CTNND2: variants seen among roughly 807,000 people sequenced by gnomAD.
The protein encoded by CTNND2 is catenin delta 2.
CTNND2 carries 22 observed loss-of-function variants against 144.4 expected under a neutral mutation model. That is an observed-to-expected ratio of 0.15 (90% CI 0.11 to 0.22). The LOEUF is 0.22. Ranked by LOEUF, CTNND2 falls within the 10% of genes least tolerant of loss-of-function variation. CTNND2 has a pLI of 1.00. For synonymous variants in CTNND2, 751 were observed against 695.6 expected (o/e 1.08, Z -1.25); for missense variants, 1,353 against 1,618.8 (o/e 0.84, Z 2.82).
intron 11 of CTNND2, among the ~76,000 whole-genome samples, chr5:11,193,249 G>A (rs1038671689): frequency 6.6e-6 from 1 of 152,312 alleles, no homozygotes; most frequent in South Asian, 2.1e-4. Context: ...ACAATGGCAA[G>A]AGGTATTGAT....
chr5:11,364,996 C>T (rs1322628914), intron 7 of CTNND2, 106 bp from the exon 8 acceptor site: 2 of 910,890 alleles, frequency 2.2e-6, no homozygotes, highest in East Asian at 2.6e-5. Context: ...GTTGAAATTC[C>T]CAGGAAACCA....
intron 1 of CTNND2, among the ~76,000 whole-genome samples, chr5:11,892,672 A>T (rs1459642358): frequency 6.6e-6 from 1 of 151,692 alleles, no homozygotes; most frequent in Non-Finnish European, 1.5e-5. Context: ...GTTAGACAGC[A>T]CCTTCTTTGG....
At chr5:11,012,613 G>A (rs1403882603) in intron 18 of CTNND2, among the ~76,000 whole-genome samples, 1 of 152,190 alleles carries the variant, frequency 6.6e-6, no homozygotes, top group Non-Finnish European at 1.5e-5. Context: ...AGGGCTGCCG[G>A]AAGTCAGTTC....
In CTNND2 at chr5:11,547,872, C is replaced by T. The variant is rs184244886; in HGVS notation, c.287+17072G>A. ...TTGAGGATGTTCCAATCCTACAACC[C>T]AGTCATTTCTCTTCTGTGCCCGCCC... On this transcript the variant is annotated intron_variant, in intron 3 of 21. Coordinates refer to ENST00000304623, the MANE Select transcript of CTNND2 (RefSeq NM_001332.4). 6.4e-4 allele frequency among the ~76,000 whole-genome samples: 97 copies of T among 152,294 alleles called. 1 individual carries two copies. Among genetic ancestry groups the T allele is most frequent in the Admixed American group, 4.3e-3 (65 of 15,292 alleles).
intron 2 of CTNND2, among the ~76,000 whole-genome samples, chr5:11,724,204 A>G (rs1279546803): frequency 6.6e-6 from 1 of 152,198 alleles, no homozygotes; most frequent in East Asian, 1.9e-4. Context: ...ACAAACCAGT[A>G]AAGCTCCTAG....
At chr5:11,555,990 G>A (rs78806181) in intron 3 of CTNND2, among the ~76,000 whole-genome samples, 3,555 of 152,200 alleles carry the variant, frequency 0.023, 137 homozygotes, top group African/African-American at 0.082. Flanking sequence ...TGTTAATTCT[G>A]AATGACAATT....
At chr5:11,334,358 T>A (rs1753523262) in intron 9 of CTNND2, among the ~76,000 whole-genome samples, 1 of 152,194 alleles carries the variant, frequency 6.6e-6, no homozygotes, top group South Asian at 2.1e-4. Flanking sequence ...CTTAAGGTAA[T>A]TTTACATTAC....
At chr5:11,495,525 T>TTTG (rs1310850599) in intron 3 of CTNND2, among the ~76,000 whole-genome samples, 1 of 152,158 alleles carries the variant, frequency 6.6e-6, no homozygotes, top group African/African-American at 2.4e-5. Context: ...TAATCCAGTT[T>TTTG]TTGTACTGGC....
chr5:10,980,326 T>C (rs1737069368), intron 21 of CTNND2, among the ~76,000 whole-genome samples: 1 of 152,028 alleles, frequency 6.6e-6, no homozygotes, highest in African/African-American at 2.4e-5. Flanking sequence ...ATCAGAGAAA[T>C]GCAAATCAAA....
At chr5:11,774,518 T>C (rs1790129791) in intron 1 of CTNND2, among the ~76,000 whole-genome samples, 1 of 132,742 alleles carries the variant, frequency 7.5e-6, no homozygotes, top group South Asian at 2.6e-4. Context: ...ACCTGCACAA[T>C]GTGCACATGT....
rs541085465 is a variant in CTNND2, at chr5:10,999,735, G to T, written c.3085-7058C>A. ...AAATTGTTCCAAGTATATAGAGATA[G>T]AAATCCAAAAAAGAAGATGAGTTCA... On this transcript the variant is annotated intron_variant, in intron 18 of 21. Transcript: ENST00000304623. 2.6e-5 allele frequency among the ~76,000 whole-genome samples: 4 copies of T among 152,208 alleles called. No homozygotes were observed. In the South Asian group the frequency reaches 8.3e-4, roughly 32 times the overall value.
chr5:11,839,344 C>A lies in CTNND2; in HGVS notation c.37+64473G>T, dbSNP rs114531026. On this transcript the variant is annotated intron_variant, in intron 1 of 21. Coordinates refer to ENST00000304623, the MANE Select transcript of CTNND2 (RefSeq NM_001332.4). ...CTTAACTGTCTATTGACTTGTGGGTCATCAAACTTAGGTTCATCCTGATAA... is the reference window on the plus strand; with the variant it reads ...CTTAACTGTCTATTGACTTGTGGGTAATCAAACTTAGGTTCATCCTGATAA... Among the ~76,000 whole-genome samples, 5 of 152,200 alleles carry A rather than the reference C, an allele frequency of 3.3e-5. No homozygotes were observed. The East Asian group carries it at 9.7e-4, about 29-fold the overall frequency.
At chr5:11,810,143 T>C (rs1792244214) in intron 1 of CTNND2, among the ~76,000 whole-genome samples, 4 of 152,170 alleles carry the variant, frequency 2.6e-5, no homozygotes, top group Non-Finnish European at 4.4e-5. Context: ...TATTAGCATA[T>C]ACTATGCTAT....
intron 9 of CTNND2, among the ~76,000 whole-genome samples, chr5:11,333,494 G>T (rs539020943): frequency 6.6e-6 from 1 of 151,960 alleles, no homozygotes; most frequent in Non-Finnish European, 1.5e-5. Context: ...TTTTTATTTC[G>T]ATAAGCAAAG....
chr5:11,579,921 A>G (rs1057142438), intron 2 of CTNND2, among the ~76,000 whole-genome samples: 1 of 152,158 alleles, frequency 6.6e-6, no homozygotes, highest in Non-Finnish European at 1.5e-5. Context: ...GCTGTTCCCT[A>G]CATATTGGGC....
At chr5:11,056,344 G>A (rs1429893104) in intron 16 of CTNND2, among the ~76,000 whole-genome samples, 2 of 152,108 alleles carry the variant, frequency 1.3e-5, no homozygotes, top group Non-Finnish European at 2.9e-5. Flanking sequence ...ATGAGATGTA[G>A]AAAACAAATG....
intron 2 of CTNND2, among the ~76,000 whole-genome samples, chr5:11,580,253 G>A (rs1043061825): frequency 6.6e-6 from 1 of 152,134 alleles, no homozygotes; most frequent in African/African-American, 2.4e-5. Context: ...GAAATAGAGA[G>A]ATAGACTACC....
intron 6 of CTNND2, among the ~76,000 whole-genome samples, chr5:11,394,773 T>TA (rs1244336952): frequency 6.6e-6 from 1 of 152,218 alleles, no homozygotes; most frequent in Admixed American, 6.5e-5. Flanking sequence ...AAGCATTTAT[T>TA]ACGCTGAATA....
At chr5:11,121,367 G>C (rs1333630753) in intron 12 of CTNND2, among the ~76,000 whole-genome samples, 1 of 152,150 alleles carries the variant, frequency 6.6e-6, no homozygotes, top group Non-Finnish European at 1.5e-5. Context: ...TGACTTCTAT[G>C]TCTGGTTAGA....
Sources: gnomAD v4.1 joint callset for allele counts (sites outside exome capture counted in the v4.1 genomes callset) on GRCh38, gnomAD v4.1.1 for gene constraint, MANE v1.5 for transcripts, NCBI Gene and HGNC (gene_info 2026-07-23, HGNC 2026-07-21) for gene names.